Variants in DYRK1A observed in about 807,000 individuals in gnomAD.
DYRK1A encodes the protein dual specificity tyrosine-phosphorylation-regulated kinase 1A.
DYRK1A carries 9 observed loss-of-function variants against 79.7 expected under a neutral mutation model. The ratio of observed to expected loss-of-function variants is 0.11; its 90% CI spans 0.07 to 0.20. The LOEUF is 0.20. Ranked by LOEUF, DYRK1A falls within the 10% of genes least tolerant of loss-of-function variation. The pLI is 1.00. For missense variants in DYRK1A, 622 were observed against 956.0 expected (o/e 0.65, Z 4.61); for synonymous variants, 349 against 329.7 (o/e 1.06, Z -0.63).
chr21:37,525,595 G>A lies in DYRK1A; in HGVS notation c.*13064G>A, dbSNP rs1252206733. 1 of 152,206 alleles carries A rather than the reference G, an allele frequency of 6.6e-6. No homozygotes were observed. 9.4% of individuals were successfully genotyped at this position (152,206 alleles called of 1,614,324 possible). A position where few individuals can be genotyped will look rare whatever the true frequency, so the allele number is the denominator to read the frequency against. On this transcript the variant is annotated 3_prime_UTR_variant, in exon 12 of 12. Transcript: ENST00000647188. ...CTCAGTTGGACAACTTACAAAGCTTGTAATAATATAAGGTGTTAAAGCCTA... is the reference window on the plus strand; with the variant it reads ...CTCAGTTGGACAACTTACAAAGCTTATAATAATATAAGGTGTTAAAGCCTA...
chr21:37,479,104 T>A (rs1212855719), intron 4 of DYRK1A, among the ~76,000 whole-genome samples: 1 of 152,086 alleles, frequency 6.6e-6, no homozygotes, highest in Non-Finnish European at 1.5e-5. Flanking sequence ...TTGCCAGCTT[T>A]AGAGCTGCTT....
At chr21:37,372,559 A>G (rs1410126756) in intron 1 of DYRK1A, among the ~76,000 whole-genome samples, 1 of 152,054 alleles carries the variant, frequency 6.6e-6, no homozygotes, top group Non-Finnish European at 1.5e-5. Flanking sequence ...TGCCCATGAA[A>G]CCATGAACAG....
At chr21:37,436,670 A>G (rs2050933767) in intron 2 of DYRK1A, among the ~76,000 whole-genome samples, 1 of 152,242 alleles carries the variant, frequency 6.6e-6, no homozygotes, top group South Asian at 2.1e-4. Context: ...AGAGCATAGT[A>G]AAATTAGACA....
chr21:37,378,806 G>C (rs952518352), intron 1 of DYRK1A, among the ~76,000 whole-genome samples: 1 of 152,150 alleles, frequency 6.6e-6, no homozygotes, highest in East Asian at 1.9e-4. Context: ...GACCATGGCC[G>C]TTAACAGTTA....
At chr21:37,392,390 AATT>A (rs1276193520) in intron 1 of DYRK1A, among the ~76,000 whole-genome samples, 2 of 152,212 alleles carry the variant, frequency 1.3e-5, no homozygotes, top group Non-Finnish European at 2.9e-5. Context: ...GCATTTATAA[AATT>A]ATTATTTGTA....
intron 1 of DYRK1A, among the ~76,000 whole-genome samples, chr21:37,389,047 A>C (rs988790453): frequency 1.3e-5 from 2 of 151,104 alleles, no homozygotes; most frequent in Non-Finnish European, 3.0e-5. Flanking sequence ...TTAAAAAAAA[A>C]AATTTTTTTT....
chr21:37,407,379 T>C (rs916876934), intron 1 of DYRK1A, among the ~76,000 whole-genome samples: 1 of 152,208 alleles, frequency 6.6e-6, no homozygotes, highest in Non-Finnish European at 1.5e-5. Flanking sequence ...GGTGGCATCA[T>C]GTCTGTGCTC....
chr21:37,494,253 GT>G (rs562479781), intron 8 of DYRK1A, among the ~76,000 whole-genome samples: 59 of 141,996 alleles, frequency 4.2e-4, no homozygotes, highest in Middle Eastern at 7.2e-3. Context: ...GTCATAGTTT[GT>G]TTTTTTTTTT....
intron 1 of DYRK1A, among the ~76,000 whole-genome samples, chr21:37,369,411 A>G (rs999244861): frequency 1.3e-5 from 2 of 152,234 alleles, no homozygotes; most frequent in South Asian, 2.1e-4. Context: ...TTACTTGATT[A>G]TAGTCAAGAT....
chr21:37,503,075 G>T (rs916147670), intron 9 of DYRK1A: 2 of 123,814 alleles, frequency 1.6e-5, no homozygotes, highest in African/African-American at 2.9e-5. Flanking sequence ...TTTGATTTCC[G>T]CAGTTTGACT....
At chr21:37,496,394 T>C in intron 9 of DYRK1A, 136 bp downstream of exon 9, 1 of 900,628 alleles carries the variant, frequency 1.1e-6, no homozygotes, top group Non-Finnish European at 1.7e-6. Flanking sequence ...CATAGATATT[T>C]TGTTCAGAAG....
intron 11 of DYRK1A, among the ~76,000 whole-genome samples, chr21:37,506,783 T>C: frequency 6.6e-6 from 1 of 152,244 alleles, no homozygotes; most frequent in Non-Finnish European, 1.5e-5. Context: ...AATAATCTAA[T>C]AAAGTTGTAA....
At chr21:37,456,517 C>T (rs762083886) in intron 2 of DYRK1A, among the ~76,000 whole-genome samples, 1 of 152,180 alleles carries the variant, frequency 6.6e-6, no homozygotes, top group South Asian at 2.1e-4. Context: ...AGAACGTCCT[C>T]GAGCAGGGTG....
intron 1 of DYRK1A, among the ~76,000 whole-genome samples, chr21:37,406,528 G>A (rs1334377060): frequency 6.6e-6 from 1 of 151,848 alleles, no homozygotes; most frequent in Non-Finnish European, 1.5e-5. Context: ...AAACCCTTCT[G>A]TACTAAAAAT....
rs1433478189 is a variant in DYRK1A at position 37,512,771 on chromosome 21, C to G, written c.*240C>G. On this transcript the variant is annotated 3_prime_UTR_variant, in exon 12 of 12. Coordinates refer to ENST00000647188, the MANE Select transcript of DYRK1A (RefSeq NM_001347721.2). Reference sequence around the variant, plus strand: ...TCAGAGGTATCCTCTTTTTGCTCCCCCATTTTAACTTGCCACATCCCAGTC... The same window carrying G: ...TCAGAGGTATCCTCTTTTTGCTCCCGCATTTTAACTTGCCACATCCCAGTC... The G allele has an allele frequency of 2.1e-6, 1 of 477,054 alleles. No homozygotes were observed. The highest frequency in any genetic ancestry group is 3.7e-5 in the Admixed American group (1 of 26,996). The allele number at this position is 477,054 out of a possible 1,614,324, so 29.6% of individuals were successfully genotyped here. A position where few individuals can be genotyped will look rare whatever the true frequency, so the allele number is the denominator to read the frequency against.
chr21:37,383,000 T>C (rs915585287), intron 1 of DYRK1A, among the ~76,000 whole-genome samples: 9 of 152,190 alleles, frequency 5.9e-5, no homozygotes, highest in African/African-American at 2.2e-4. Flanking sequence ...TGGGGAAGTC[T>C]TTATCTTAGG....
chr21:37,374,930 C>T (rs2049507480), intron 1 of DYRK1A, among the ~76,000 whole-genome samples: 1 of 152,192 alleles, frequency 6.6e-6, no homozygotes, highest in Non-Finnish European at 1.5e-5. Context: ...AAGTTCATTT[C>T]TCACATATTA....
In DYRK1A at chr21:37,400,874, G is replaced by A. The variant is rs556568371; in HGVS notation, c.-76-19425G>A. Among the ~76,000 whole-genome samples, 370 of 152,332 alleles carry A rather than the reference G, an allele frequency of 2.4e-3. 1 individual carries two copies. The highest frequency in any genetic ancestry group is 4.4e-3 in the Non-Finnish European group (297 of 68,034). On this transcript the variant is annotated intron_variant, in intron 1 of 11. Transcript: ENST00000647188. ...AGGTTGAAAATAGGGGCCAGGTGCA[G>A]TGGCTCACGCCTGTAATCCCAGCAC...
intron 1 of DYRK1A, among the ~76,000 whole-genome samples, chr21:37,396,667 A>G (rs1490161838): frequency 1.3e-5 from 2 of 152,160 alleles, no homozygotes; most frequent in Admixed American, 6.5e-5. Flanking sequence ...TAAAATTTCC[A>G]TAGGCTTAAC....
Sources: gnomAD v4.1 joint callset for allele counts (sites outside exome capture counted in the v4.1 genomes callset) on GRCh38, gnomAD v4.1.1 for gene constraint, MANE v1.5 for transcripts, NCBI Gene and HGNC (gene_info 2026-07-23, HGNC 2026-07-21) for gene names.